Variants in AK5 observed in about 807,000 individuals in gnomAD.
AK5 encodes the protein adenylate kinase 5.
A neutral mutation model predicts 69.5 loss-of-function variants in AK5; 27 were observed. The observed-to-expected ratio is 0.39, with a 90% CI of 0.29 to 0.54. The LOEUF (loss-of-function observed/expected upper bound fraction) is 0.54, where lower values mean the gene tolerates loss of function less well. Ranked by LOEUF, AK5 falls within the 20% of genes least tolerant of loss-of-function variation. AK5 has a pLI of 0.71. For synonymous variants in AK5, 260 were observed against 244.4 expected, an observed-to-expected ratio of 1.06 and a Z score of -0.60; for missense variants, 531 against 700.4, an observed-to-expected ratio of 0.76 and a Z score of 2.73.
intron 8 of AK5, among the ~76,000 whole-genome samples, chr1:77,469,355 C>T (rs149283914): frequency 1.1e-4 from 17 of 152,274 alleles, no homozygotes; most frequent in Admixed American, 2.0e-4. Flanking sequence ...GAGAGTTCCT[C>T]GATAACCTGG....
intron 6 of AK5, among the ~76,000 whole-genome samples, chr1:77,364,189 A>T (rs1478611717): frequency 6.6e-6 from 1 of 152,174 alleles, no homozygotes; most frequent in Admixed American, 6.5e-5. Flanking sequence ...AATACCATAG[A>T]AATGTATGGA....
chr1:77,488,638 C>T (rs1655753948), intron 10 of AK5, among the ~76,000 whole-genome samples: 1 of 152,162 alleles, frequency 6.6e-6, no homozygotes, highest in Non-Finnish European at 1.5e-5. Context: ...AGAGCCAGTC[C>T]GAGTCGCAAA....
At chr1:77,456,073 T>G (rs1446042168) in intron 8 of AK5, among the ~76,000 whole-genome samples, 1 of 152,164 alleles carries the variant, frequency 6.6e-6, no homozygotes, top group East Asian at 1.9e-4. Context: ...GATTGTGCAG[T>G]TTCCATGCAG....
intron 8 of AK5, among the ~76,000 whole-genome samples, chr1:77,465,993 T>G (rs1187542730): frequency 6.6e-6 from 1 of 152,146 alleles, no homozygotes; most frequent in African/African-American, 2.4e-5. Flanking sequence ...AGCACAAAAC[T>G]GATCATGCCA....
chr1:77,437,608 A>G (rs952203060), intron 8 of AK5, among the ~76,000 whole-genome samples: 2 of 152,134 alleles, frequency 1.3e-5, no homozygotes, highest in Admixed American at 6.5e-5. Flanking sequence ...TTAAACTGGT[A>G]CAGAGGTTAA....
intron 8 of AK5, among the ~76,000 whole-genome samples, chr1:77,472,021 T>C (rs1379512027): frequency 6.6e-6 from 1 of 152,216 alleles, no homozygotes; most frequent in South Asian, 2.1e-4. Context: ...CTTTTAAATG[T>C]AAGCCAAAAA....
intron 6 of AK5, among the ~76,000 whole-genome samples, chr1:77,403,957 A>G (rs1207445089): frequency 6.6e-6 from 1 of 152,026 alleles, no homozygotes; most frequent in African/African-American, 2.4e-5. Flanking sequence ...TTTGTTTTGT[A>G]TCCTCTTTTA....
chr1:77,516,489 A>C (rs376149476), intron 10 of AK5, among the ~76,000 whole-genome samples: 13 of 152,318 alleles, frequency 8.5e-5, no homozygotes, highest in African/African-American at 3.1e-4. Flanking sequence ...TTATTTCACA[A>C]TATATATGTA....
At chr1:77,475,388 GTATA>G (rs1180343414) in intron 8 of AK5, among the ~76,000 whole-genome samples, 1 of 15,730 alleles carries the variant, frequency 6.4e-5, no homozygotes, top group Admixed American at 1.1e-3. Flanking sequence ...TTATATATAT[GTATA>G]TATATAATAT....
At chr1:77,495,226 T>C (rs1172658650) in intron 10 of AK5, among the ~76,000 whole-genome samples, 1 of 152,204 alleles carries the variant, frequency 6.6e-6, no homozygotes, top group Admixed American at 6.5e-5. Context: ...AGTGACAGAA[T>C]TGAGACTCAG....
chr1:77,555,058 A>G (rs887293538), intron 13 of AK5, among the ~76,000 whole-genome samples: 2 of 152,106 alleles, frequency 1.3e-5, no homozygotes, highest in Non-Finnish European at 2.9e-5. Context: ...AGGTAGGCAG[A>G]TTACTTGAGG....
At chr1:77,359,661 A>G (rs1646827604) in intron 6 of AK5, among the ~76,000 whole-genome samples, 1 of 152,246 alleles carries the variant, frequency 6.6e-6, no homozygotes, top group Non-Finnish European at 1.5e-5. Context: ...AAACATAGCA[A>G]TATGGTATCT....
chr1:77,474,209 C>G (rs956207930), intron 8 of AK5, among the ~76,000 whole-genome samples: 2 of 152,190 alleles, frequency 1.3e-5, no homozygotes, highest in African/African-American at 4.8e-5. Flanking sequence ...CAGTCTCTCC[C>G]GAATGTCTCC....
chr1:77,329,137 AC>A (rs1660959570), intron 5 of AK5, among the ~76,000 whole-genome samples: 1 of 151,776 alleles, frequency 6.6e-6, no homozygotes, highest in Admixed American at 6.6e-5. Flanking sequence ...CAGCTTTTCA[AC>A]AGGAAATGGC....
chr1:77,355,878 C>T (rs902499443), intron 6 of AK5, among the ~76,000 whole-genome samples: 3 of 138,100 alleles, frequency 2.2e-5, no homozygotes, highest in Admixed American at 7.4e-5. Context: ...TACACACACA[C>T]ACACACACAC....
intron 8 of AK5, among the ~76,000 whole-genome samples, chr1:77,419,586 G>A (rs1650670542): frequency 6.6e-6 from 1 of 152,150 alleles, no homozygotes; most frequent in East Asian, 1.9e-4. Flanking sequence ...TCAATTAACG[G>A]TTGAATAGTA....
Position 77,537,231 on chromosome 1 carries a change from G to A in AK5, c.1620+1193G>A, listed in dbSNP as rs578234528. Among the ~76,000 whole-genome samples the A allele has an allele frequency of 1.1e-3, 161 of 152,226 alleles. 1 individual carries two copies. The Middle Eastern group carries it at 0.027, about 26-fold the overall frequency. ...GACTCGGCTGAGTCTCTGAAGCGGG[G>A]GTGCACGCCACACCAGAGAAGCCCC... On this transcript the variant is annotated intron_variant, in intron 13 of 13. Transcript: ENST00000354567.
intron 12 of AK5, among the ~76,000 whole-genome samples, chr1:77,526,465 CTTTTTTTTTT>C (rs917395853): frequency 2.4e-5 from 2 of 84,658 alleles, no homozygotes; most frequent in South Asian, 4.6e-4. Context: ...GAATAAAAGT[CTTTTTTTTTT>C]TTTTTTTTTT....
chr1:77,505,489 T>C (rs938917231), intron 10 of AK5, among the ~76,000 whole-genome samples: 9 of 152,150 alleles, frequency 5.9e-5, no homozygotes, highest in African/African-American at 2.2e-4. Context: ...AAACTATTTT[T>C]CTTCTTCTTT....
Sources: gnomAD v4.1 joint callset for allele counts (sites outside exome capture counted in the v4.1 genomes callset) on GRCh38, gnomAD v4.1.1 for gene constraint, MANE v1.5 for transcripts, NCBI Gene and HGNC (gene_info 2026-07-23, HGNC 2026-07-21) for gene names.